The following KLHL8 variants were observed in gnomAD, a reference collection of about 807,000 sequenced individuals.
The protein encoded by KLHL8 is kelch like family member 8, also known as kelch-like protein 8.
In KLHL8, 38 loss-of-function variants were observed where a neutral mutation model predicts 63.5. The ratio of observed to expected loss-of-function variants is 0.60; its 90% CI spans 0.46 to 0.78. KLHL8 has a LOEUF of 0.78. KLHL8 is among the 30% of genes least tolerant of loss of function. KLHL8 has a pLI of 0.00. For missense variants in KLHL8, 566 were observed against 752.4 expected (o/e 0.75, Z 2.90); for synonymous variants, 224 against 254.3 (o/e 0.88, Z 1.13).
At chr4:87,209,861 T>G (rs1408278531) in intron 1 of KLHL8, among the ~76,000 whole-genome samples, 1 of 149,470 alleles carries the variant, frequency 6.7e-6, no homozygotes, top group Non-Finnish European at 1.5e-5. Context: ...TTTTTTTTTT[T>G]TTTTTTTTTG....
At chr4:87,164,226 C>T in intron 8 of KLHL8, 147 bp from the exon 9 acceptor site, 1 of 658,788 alleles carries the variant, frequency 1.5e-6, no homozygotes, top group Non-Finnish European at 2.6e-6. Context: ...ATCCCAATAC[C>T]TGTCTACCAC....
chr4:87,232,640 T>A (rs757545955), intron 1 of KLHL8, among the ~76,000 whole-genome samples: 26 of 152,246 alleles, frequency 1.7e-4, no homozygotes, highest in Non-Finnish European at 2.9e-4. Flanking sequence ...TTAAGGTAGT[T>A]TTCTGAGGAC....
rs1731124236 is a variant in KLHL8 at position 87,183,297 on chromosome 4, C to T, written c.858G>A (p.Leu286=). The change falls in exon 4 of 10, where the codon CTG becomes CTA. Residue 286 remains leucine, a synonymous_variant. Transcript: ENST00000273963. ...VKQNLKCRDL[L]DEARNYHLHL... ...GAAGGTGGTAATTTCTTGCTTCATC[C>T]AGTAAATCTCTACATTTTAGATTTT... is the stretch of plus-strand genomic sequence containing the variant. 1.2e-6 allele frequency: 2 copies of T among 1,613,636 alleles called. No homozygotes were observed. Among genetic ancestry groups the T allele is most frequent in the South Asian group, 2.2e-5 (2 of 91,048 alleles).
chr4:87,233,643 T>C (rs1025354300), intron 1 of KLHL8, among the ~76,000 whole-genome samples: 5 of 152,226 alleles, frequency 3.3e-5, no homozygotes, highest in African/African-American at 1.2e-4. Context: ...GAGTTTCTTT[T>C]ATATCTTCTT....
chr4:87,190,328 T>C (rs1731432325), intron 2 of KLHL8, among the ~76,000 whole-genome samples: 1 of 152,164 alleles, frequency 6.6e-6, no homozygotes, highest in Non-Finnish European at 1.5e-5. Flanking sequence ...TAGGTAATAA[T>C]AATCTTGATA....
chr4:87,170,660 A>T (rs768042496), intron 6 of KLHL8, 45 bp from the exon 7 acceptor site: 1 of 1,532,690 alleles, frequency 6.5e-7, no homozygotes, highest in South Asian at 1.2e-5. Context: ...GTTTGTTTCC[A>T]GGAAAAAAAG....
At chr4:87,196,045 G>GC (rs140962396) in intron 1 of KLHL8, among the ~76,000 whole-genome samples, 5,728 of 151,978 alleles carry the variant, frequency 0.038, 148 homozygotes, top group Non-Finnish European at 0.055. Context: ...AAACTCCTGG[G>GC]CTCATGCAAT....
At chr4:87,231,199 T>C (rs1291522358) in intron 1 of KLHL8, among the ~76,000 whole-genome samples, 1 of 152,176 alleles carries the variant, frequency 6.6e-6, no homozygotes, top group African/African-American at 2.4e-5. Flanking sequence ...GGTTTCTCAG[T>C]TTCCCAGGGG....
intron 4 of KLHL8, among the ~76,000 whole-genome samples, chr4:87,182,068 A>G (rs1465829445): frequency 6.6e-6 from 1 of 151,944 alleles, no homozygotes; most frequent in Non-Finnish European, 1.5e-5. Flanking sequence ...CTCTACTAAA[A>G]ATACAAAAAA....
At chr4:87,191,013 C>T (rs961892669) in intron 2 of KLHL8, among the ~76,000 whole-genome samples, 2 of 151,990 alleles carry the variant, frequency 1.3e-5, no homozygotes, top group Admixed American at 1.3e-4. Flanking sequence ...TAAAGGAAAA[C>T]CTTTATAAAT....
intron 2 of KLHL8, among the ~76,000 whole-genome samples, chr4:87,191,383 G>T (rs956234452): frequency 1.3e-5 from 2 of 152,028 alleles, no homozygotes; most frequent in Admixed American, 6.5e-5. Context: ...TAGGGTTTGG[G>T]TCCAGGAGGT....
chr4:87,217,639 C>A (rs1049674718), intron 1 of KLHL8, among the ~76,000 whole-genome samples: 1 of 150,710 alleles, frequency 6.6e-6, no homozygotes, highest in Non-Finnish European at 1.5e-5. Context: ...AGCCACCGAG[C>A]CTGGCCTCTT....
chr4:87,204,363 G>T (rs1291852943), intron 1 of KLHL8, among the ~76,000 whole-genome samples: 1 of 150,742 alleles, frequency 6.6e-6, no homozygotes, highest in South Asian at 2.1e-4. Context: ...TGGTGGCAAT[G>T]CAAAACAGCA....
At chr4:87,235,792 A>AG (rs772740954) in intron 1 of KLHL8, among the ~76,000 whole-genome samples, 1 of 152,034 alleles carries the variant, frequency 6.6e-6, no homozygotes, top group Non-Finnish European at 1.5e-5. Flanking sequence ...ATACAACCCG[A>AG]GGGGTAAACA....
chr4:87,238,197 G>A (rs1733267883), intron 1 of KLHL8, among the ~76,000 whole-genome samples: 1 of 152,090 alleles, frequency 6.6e-6, no homozygotes, highest in Admixed American at 6.6e-5. Context: ...GCCTCCCAAA[G>A]TCCTGGGATT....
chr4:87,174,495 T>C (rs1048971160), intron 6 of KLHL8, among the ~76,000 whole-genome samples: 3 of 152,154 alleles, frequency 2.0e-5, no homozygotes, highest in African/African-American at 7.2e-5. Flanking sequence ...GCCAGGCTGG[T>C]CTCAAACTCC....
At chr4:87,175,726 T>A (rs377488074) in intron 6 of KLHL8, among the ~76,000 whole-genome samples, 2 of 152,206 alleles carry the variant, frequency 1.3e-5, no homozygotes, top group South Asian at 2.1e-4. Context: ...TTAATCAGCA[T>A]ATATTCCAGT....
chr4:87,170,585 G>A lies in KLHL8; in HGVS notation c.1239C>T (p.Gly413=). Residue 413 remains glycine (G), a synonymous_variant, in exon 7 of 10, where the codon GGC becomes GGT. Coordinates refer to ENST00000273963, the MANE Select transcript of KLHL8 (RefSeq NM_020803.5). ...CTAACCCTCCAATTGCATAAATTGG[G>A]CCTCCTAAGGAAGCCAAGGCAATTC... ...RRGIALASLG[G]PIYAIGGLDD... 6.2e-7 allele frequency: 1 copy of A among 1,612,794 alleles called. No homozygotes were observed. The highest frequency in any genetic ancestry group is 8.5e-7 in the Non-Finnish European group (1 of 1,179,616).
At chr4:87,238,276 T>A (rs1733269735) in intron 1 of KLHL8, among the ~76,000 whole-genome samples, 1 of 152,220 alleles carries the variant, frequency 6.6e-6, no homozygotes, top group African/African-American at 2.4e-5. Flanking sequence ...CCTGGATTTC[T>A]CACCAAGCAT....
Sources: gnomAD v4.1 joint callset for allele counts (sites outside exome capture counted in the v4.1 genomes callset) on GRCh38, gnomAD v4.1.1 for gene constraint, MANE v1.5 for transcripts, NCBI Gene and HGNC (gene_info 2026-07-23, HGNC 2026-07-21) for gene names.